CHST9: variants seen among roughly 807,000 people sequenced by gnomAD.
CHST9 encodes the protein GalNAc-4-sulfotransferase 2.
A neutral mutation model predicts 44.4 loss-of-function variants in CHST9; 41 were observed. The ratio of observed to expected loss-of-function variants is 0.92; its 90% CI spans 0.72 to 1.20. The LOEUF (loss-of-function observed/expected upper bound fraction) is 1.20. Ranked by LOEUF, CHST9 falls within the 50% of genes most tolerant of loss-of-function variation. The pLI is 0.00. For synonymous variants in CHST9, 171 were observed against 178.4 expected, an observed-to-expected ratio of 0.96 and a Z score of 0.33; for missense variants, 504 against 516.5, an observed-to-expected ratio of 0.98 and a Z score of 0.23.
intron 1 of CHST9, among the ~76,000 whole-genome samples, chr18:27,180,284 A>T (rs2058901782): frequency 6.6e-6 from 1 of 152,310 alleles, no homozygotes; most frequent in East Asian, 1.9e-4. Context: ...TGTCTAGTGA[A>T]GTTATCCCTG....
At chr18:27,003,376 T>C (rs2145230625) in intron 4 of CHST9, among the ~76,000 whole-genome samples, 1 of 152,322 alleles carries the variant, frequency 6.6e-6, no homozygotes, top group Middle Eastern at 3.4e-3. Flanking sequence ...CATGGGAGGT[T>C]AGCCCAAAGC....
At chr18:27,109,569 A>G (rs180757784) in intron 2 of CHST9, among the ~76,000 whole-genome samples, 2 of 152,314 alleles carry the variant, frequency 1.3e-5, no homozygotes, top group East Asian at 3.9e-4. Flanking sequence ...GTCATTGTTC[A>G]GTCCCAATGT....
rs1415833839 is a variant in CHST9, at chr18:26,914,992, G to T, written c.*1267C>A. Reference sequence around the variant, plus strand: ...ATGATCCCTTTTTTTTTCCCCAAGGGATCTAATTTAGGATCCCTTGGAAAA... The same window carrying T: ...ATGATCCCTTTTTTTTTCCCCAAGGTATCTAATTTAGGATCCCTTGGAAAA... On this transcript the variant is annotated 3_prime_UTR_variant, in exon 6 of 6. Coordinates refer to ENST00000618847, the MANE Select transcript of CHST9 (RefSeq NM_031422.6). The T allele has an allele frequency of 2.5e-6, 1 of 397,366 alleles. No homozygotes were observed. The highest frequency in any genetic ancestry group is 2.1e-5 in the African/African-American group (1 of 48,444). 24.6% of individuals were successfully genotyped at this position (397,366 alleles called of 1,614,324 possible).
At chr18:26,975,750 TATATATATATATATAAC>T in intron 4 of CHST9, among the ~76,000 whole-genome samples, 1 of 140,426 alleles carries the variant, frequency 7.1e-6, no homozygotes, top group African/African-American at 2.6e-5. Context: ...TATATATATA[TATATATATATATATAAC>T]ATTTTCTTTA....
chr18:26,945,360 G>A (rs1241123879), intron 4 of CHST9, among the ~76,000 whole-genome samples: 2 of 152,134 alleles, frequency 1.3e-5, no homozygotes, highest in African/African-American at 2.4e-5. Context: ...TTGATAGAAA[G>A]AGTGTTTTCC....
chr18:27,086,902 C>T (rs1224008202), intron 2 of CHST9, among the ~76,000 whole-genome samples: 1 of 151,914 alleles, frequency 6.6e-6, no homozygotes, highest in Non-Finnish European at 1.5e-5. Flanking sequence ...TCTTGCTTAA[C>T]TGAAATGTGG....
At chr18:27,125,635 G>A (rs2058414075) in intron 2 of CHST9, among the ~76,000 whole-genome samples, 2 of 152,108 alleles carry the variant, frequency 1.3e-5, no homozygotes, top group African/African-American at 4.8e-5. Flanking sequence ...TATGTAGCCA[G>A]CAGCCACCCA....
intron 2 of CHST9, among the ~76,000 whole-genome samples, chr18:27,064,592 C>G (rs1272786723): frequency 1.3e-5 from 2 of 152,136 alleles, no homozygotes; most frequent in African/African-American, 4.8e-5. Context: ...GTGCATTTTT[C>G]CATTTAAAAA....
chr18:26,953,331 G>A (rs531081388), intron 4 of CHST9, among the ~76,000 whole-genome samples: 7 of 152,268 alleles, frequency 4.6e-5, no homozygotes, highest in Admixed American at 2.6e-4. Flanking sequence ...TAGGGGAGAG[G>A]GTTTAGAGAG....
Position 27,142,814 on chromosome 18 carries a change from CCTT to C in CHST9, c.-8_-6del. 1 of 1,597,550 alleles carries C rather than the reference CCTT, an allele frequency of 6.3e-7. No homozygotes were observed. Among genetic ancestry groups the C allele is most frequent in the South Asian group, 1.2e-5 (1 of 86,294 alleles). On this transcript the variant is annotated 5_prime_UTR_variant, in exon 2 of 6. It adds an upstream start codon to the 5' untranslated region. Transcript: ENST00000618847. The stretch of plus-strand genomic sequence containing the variant: ...GACCATTTCAGATGGCTGCATTTCT[CCTT>C]ATTTCAGAATCTGAAGACCACATGA...
intron 4 of CHST9, among the ~76,000 whole-genome samples, chr18:26,979,254 T>C (rs983120852): frequency 8.5e-5 from 13 of 152,126 alleles, no homozygotes; most frequent in African/African-American, 2.9e-4. Flanking sequence ...ATGCTTATAA[T>C]AGAATATTTG....
intron 3 of CHST9, among the ~76,000 whole-genome samples, chr18:27,040,749 CAAGTAT>C (rs2057436290): frequency 6.6e-6 from 1 of 152,126 alleles, no homozygotes; most frequent in Admixed American, 6.6e-5. Context: ...GCACAGTATA[CAAGTAT>C]ATCATTTACA....
intron 2 of CHST9, among the ~76,000 whole-genome samples, chr18:27,053,170 GAA>G: frequency 6.8e-6 from 1 of 146,710 alleles, no homozygotes; most frequent in African/African-American, 2.5e-5. Context: ...AGAAGAAGAA[GAA>G]GAAGAAGAAG....
In CHST9 at chr18:27,089,495, C is replaced by T. The variant is rs552079152; in HGVS notation, c.122-40992G>A. On this transcript the variant is annotated intron_variant, in intron 2 of 5. Transcript: ENST00000618847. ...CCTTTTTTATGGCTGCATAGTATTCCGTGGTGTATATGTGCCACATTTTCT... is the reference window on the plus strand; with the variant it reads ...CCTTTTTTATGGCTGCATAGTATTCTGTGGTGTATATGTGCCACATTTTCT... Among the ~76,000 whole-genome samples the T allele has an allele frequency of 1.1e-4, 16 of 152,268 alleles. No individual in the cohort carries two copies. In the South Asian group the frequency reaches 1.9e-3, roughly 18 times the overall value.
intron 4 of CHST9, among the ~76,000 whole-genome samples, chr18:26,977,474 G>A (rs1236091577): frequency 1.3e-5 from 2 of 150,206 alleles, no homozygotes; most frequent in African/African-American, 4.9e-5. Context: ...TGGATTTAAA[G>A]ATACCTTTCA....
intron 2 of CHST9, among the ~76,000 whole-genome samples, chr18:27,133,700 C>A (rs1166993810): frequency 6.6e-6 from 1 of 152,116 alleles, no homozygotes; most frequent in African/African-American, 2.4e-5. Flanking sequence ...TTTTAAAAAA[C>A]AATGAAACAG....
At chr18:27,141,374 C>T (rs867444526) in intron 2 of CHST9, among the ~76,000 whole-genome samples, 12 of 151,246 alleles carry the variant, frequency 7.9e-5, no homozygotes, top group Middle Eastern at 3.4e-3. Context: ...CAAAAACAAA[C>T]AAACAACAAC....
chr18:26,965,821 G>T (rs1277406026), intron 4 of CHST9, among the ~76,000 whole-genome samples: 1 of 152,102 alleles, frequency 6.6e-6, no homozygotes, highest in Admixed American at 6.5e-5. Flanking sequence ...AGAGCCTCAT[G>T]GTCAACTGGT....
At chr18:27,076,198 T>C (rs1568162448) in intron 2 of CHST9, among the ~76,000 whole-genome samples, 1 of 152,232 alleles carries the variant, frequency 6.6e-6, no homozygotes, top group African/African-American at 2.4e-5. Context: ...CTGAAGAGGA[T>C]TAAATTCCTG....
Sources: allele counts gnomAD v4.1 joint callset (sites outside exome capture counted in the v4.1 genomes callset), GRCh38; gene constraint gnomAD v4.1.1; transcripts MANE v1.5; gene names NCBI Gene and HGNC (gene_info 2026-07-23, HGNC 2026-07-21).